OASL: variants seen among roughly 807,000 people sequenced by gnomAD.
OASL encodes the protein 2'-5'-oligoadenylate synthase-like protein.
In OASL, 28 loss-of-function variants were observed where a neutral mutation model predicts 35.3. That is an observed-to-expected ratio of 0.79 (90% CI 0.59 to 1.09). The LOEUF is 1.09. Ranked by LOEUF, OASL falls within the 50% of genes least tolerant of loss-of-function variation. OASL has a pLI of 0.00. For synonymous variants in OASL, 252 were observed against 254.6 expected (o/e 0.99, Z 0.10); for missense variants, 620 against 635.2 (o/e 0.98, Z 0.26).
intron 5 of OASL, 108 bp from the exon 6 acceptor site, chr12:121,021,166 G>A (rs1869220727): frequency 8.3e-7 from 1 of 1,201,200 alleles, no homozygotes; most frequent in East Asian, 2.5e-5. Flanking sequence ...AGCAGCAGCG[G>A]CAGCAGCAAA....
intron 2 of OASL, among the ~76,000 whole-genome samples, chr12:121,033,136 G>A (rs1249336024): frequency 6.6e-6 from 1 of 151,888 alleles, no homozygotes; most frequent in Non-Finnish European, 1.5e-5. Context: ...ATCTTGGCCA[G>A]GCTGGTCTTC....
chr12:121,037,203 G>A (rs924273670), intron 1 of OASL, among the ~76,000 whole-genome samples: 1 of 152,316 alleles, frequency 6.6e-6, no homozygotes. Flanking sequence ...CCAACTCGCT[G>A]TGTGACCTTG....
intron 5 of OASL, among the ~76,000 whole-genome samples, chr12:121,023,270 TG>T (rs914273565): frequency 7.4e-5 from 11 of 147,734 alleles, no homozygotes; most frequent in Non-Finnish European, 1.6e-4. Flanking sequence ...AGAGTGAGGG[TG>T]GTGTCTTTTT....
intron 3 of OASL, among the ~76,000 whole-genome samples, chr12:121,028,373 G>T (rs1348029317): frequency 2.0e-5 from 3 of 152,184 alleles, no homozygotes; most frequent in Middle Eastern, 3.2e-3. Flanking sequence ...CCCCTTGCAA[G>T]TGATTGCTTC....
rs543863531 is a variant in OASL, at chr12:121,039,234, G to A, written c.-263C>T. On this transcript the variant is annotated 5_prime_UTR_variant, in exon 1 of 6. It adds an upstream start codon to the 5' untranslated region. Transcript: ENST00000257570. ...CTGGGGCCACCTTAACAGGCTGGCC[G>A]TCTAGTCAATCTGTCATCAGTTTCG... 50 of 509,282 alleles carry A rather than the reference G, an allele frequency of 9.8e-5. No individual in the cohort carries two copies. Among genetic ancestry groups the A allele is most frequent in the African/African-American group, 5.7e-4 (30 of 52,554 alleles). The allele number at this position is 509,282 out of a possible 1,614,324, so 31.5% of individuals were successfully genotyped here.
At chr12:121,018,911 C>T (rs1467083931), downstream of OASL, among the ~76,000 whole-genome samples, 1 of 149,858 alleles carries the variant, frequency 6.7e-6, no homozygotes, top group Non-Finnish European at 1.5e-5. Flanking sequence ...CCTAGAGACA[C>T]CTTTGCCTCT....
At chr12:121,020,502 T>C in exon 6 of OASL, 1 of 1,510,046 alleles carries the variant, frequency 6.6e-7, no homozygotes, top group Non-Finnish European at 8.9e-7. Flanking sequence ...ACAGAGTGAT[T>C]GACAGGATGA....
chr12:121,032,105 A>G lies in OASL; in HGVS notation c.482-488T>C, dbSNP rs1372054208. On this transcript the variant is annotated intron_variant, in intron 2 of 5. Transcript: ENST00000257570. ...CTACTCGGGAGGCTGAGGCTGGAGA[A>G]TCACTTGAACCCTGGAGGTGGAGGT... Among the ~76,000 whole-genome samples the G allele has an allele frequency of 3.9e-5, 6 of 152,298 alleles. No individual in the cohort carries two copies. In the East Asian group the frequency reaches 1.2e-3, roughly 29 times the overall value.
chr12:121,027,948 C>CA, intron 3 of OASL, 131 bp from the exon 4 acceptor site: 1 of 715,762 alleles, frequency 1.4e-6, no homozygotes, highest in Non-Finnish European at 2.3e-6. Flanking sequence ...TGACCTTGGC[C>CA]ATGTCACATT....
exon 6 of OASL, chr12:121,020,489 G>A: frequency 6.8e-7 from 1 of 1,463,782 alleles, no homozygotes; most frequent in Non-Finnish European, 9.3e-7. Flanking sequence ...AGTAGACAAT[G>A]GGACAGAGTG....
At chr12:121,037,764 C>G (rs538409551) in intron 1 of OASL, among the ~76,000 whole-genome samples, 50 of 105,998 alleles carry the variant, frequency 4.7e-4, no homozygotes, top group African/African-American at 1.6e-3. Flanking sequence ...GAGCAAGACT[C>G]TGTCTCAAAA....
intron 3 of OASL, among the ~76,000 whole-genome samples, chr12:121,028,080 T>G (rs1224967626): frequency 6.6e-6 from 1 of 152,242 alleles, no homozygotes; most frequent in Non-Finnish European, 1.5e-5. Flanking sequence ...ATGAGCAGAT[T>G]GCGCTCGGTC....
exon 1 of OASL, chr12:121,039,060 C>G (rs566145351): frequency 9.2e-7 from 1 of 1,084,810 alleles, no homozygotes; most frequent in Admixed American, 2.0e-5. Flanking sequence ...TAAGGTAGCT[C>G]CTCCTCAGCT....
At chr12:121,031,236 T>A (rs1869715766) in intron 3 of OASL, among the ~76,000 whole-genome samples, 1 of 152,154 alleles carries the variant, frequency 6.6e-6, no homozygotes, top group Non-Finnish European at 1.5e-5. Flanking sequence ...CCTTCTCTGT[T>A]TCTTTCTCCT....
chr12:121,024,128 G>C, exon 5 of OASL: 2 of 1,614,006 alleles, frequency 1.2e-6, no homozygotes, highest in Non-Finnish European at 1.7e-6. Flanking sequence ...CCGGATCCAG[G>C]ATGATGGGCC....
chr12:121,020,436 G>A, exon 6 of OASL: 1 of 1,049,072 alleles, frequency 9.5e-7, no homozygotes. Flanking sequence ...CGTCTGGCCT[G>A]GGATAACTCA....
intron 5 of OASL, chr12:121,023,763 GA>G: frequency 2.1e-6 from 1 of 473,792 alleles, no homozygotes; most frequent in Non-Finnish European, 3.8e-6. Flanking sequence ...TAAATTATGG[GA>G]AAAAGAAAGG....
At chr12:121,028,416 T>C (rs757355463) in intron 3 of OASL, among the ~76,000 whole-genome samples, 2 of 152,168 alleles carry the variant, frequency 1.3e-5, no homozygotes, top group Non-Finnish European at 1.5e-5. Flanking sequence ...TTGGCTCAAC[T>C]AGAGTAAAGC....
intron 3 of OASL, among the ~76,000 whole-genome samples, chr12:121,029,664 G>A (rs1023185806): frequency 6.6e-6 from 1 of 151,890 alleles, no homozygotes; most frequent in Non-Finnish European, 1.5e-5. Flanking sequence ...TTCCAGCCTG[G>A]GCGACAGAGC....
Sources: gnomAD v4.1 joint callset for allele counts (sites outside exome capture counted in the v4.1 genomes callset) on GRCh38, gnomAD v4.1.1 for gene constraint, MANE v1.5 for transcripts, NCBI Gene and HGNC (gene_info 2026-07-23, HGNC 2026-07-21) for gene names.